INPP5D: variants seen among roughly 807,000 people sequenced by gnomAD.
The protein encoded by INPP5D is phosphatidylinositol 3,4,5-trisphosphate 5-phosphatase 1.
In INPP5D, 33 loss-of-function variants were observed where a neutral mutation model predicts 122.9. The ratio of observed to expected loss-of-function variants is 0.27; its 90% CI spans 0.20 to 0.36. The LOEUF is 0.36. Ranked by LOEUF, INPP5D falls within the 10% of genes least tolerant of loss-of-function variation. The pLI is 1.00. For missense variants in INPP5D, 1,053 were observed against 1,412.7 expected (o/e 0.75, Z 4.08); for synonymous variants, 584 against 576.2 (o/e 1.01, Z -0.19).
At chr2:233,180,382 G>A (rs561130167) in intron 18 of INPP5D, among the ~76,000 whole-genome samples, 2 of 150,148 alleles carry the variant, frequency 1.3e-5, no homozygotes, top group Admixed American at 6.6e-5. Flanking sequence ...AACCCTGCTC[G>A]TCAACCCATT....
chr2:233,080,017 C>T (rs1290652360), intron 2 of INPP5D, among the ~76,000 whole-genome samples: 2 of 152,206 alleles, frequency 1.3e-5, no homozygotes, highest in Admixed American at 6.5e-5. Context: ...GCAACCTCCA[C>T]CTCCCAGGTT....
Position 233,114,115 on chromosome 2 carries a change from A to G in INPP5D, c.199-7992A>G, listed in dbSNP as rs575444203. Among the ~76,000 whole-genome samples, 11 of 152,210 alleles carry G rather than the reference A, an allele frequency of 7.2e-5. No homozygotes were observed. The South Asian group carries it at 1.7e-3, about 23-fold the overall frequency. Reference sequence around the variant, plus strand: ...AGTAGAGATGGGGTTTCACTGTGTTAGCCAGGATGGTCTCGATCTCCTGAC... The same window carrying G: ...AGTAGAGATGGGGTTTCACTGTGTTGGCCAGGATGGTCTCGATCTCCTGAC... On this transcript the variant is annotated intron_variant, in intron 2 of 26. Coordinates refer to ENST00000445964, the MANE Select transcript of INPP5D (RefSeq NM_001017915.3).
At chr2:233,099,391 A>G (rs2106231619) in intron 2 of INPP5D, among the ~76,000 whole-genome samples, 1 of 152,342 alleles carries the variant, frequency 6.6e-6, no homozygotes, top group East Asian at 1.9e-4. Context: ...GCAGCCCCAC[A>G]TTGGAAGGCC....
In INPP5D at chr2:233,107,190, G is replaced by C. The variant is rs148209421; in HGVS notation, c.199-14917G>C. ...TCCCCAGCAGAGGGTGCGGTAGGCA[G>C]GGCTGCTGGTGGGTAGGCAGGGGGT... On this transcript the variant is annotated intron_variant, in intron 2 of 26. Transcript: ENST00000445964. Among the ~76,000 whole-genome samples, 1,143 of 152,280 alleles carry C rather than the reference G, an allele frequency of 7.5e-3. 9 individuals are homozygous for C. The highest frequency in any genetic ancestry group is 0.01 in the Non-Finnish European group (704 of 68,008).
rs569497058 is a variant in INPP5D at position 233,193,986 on chromosome 2, G to A, written c.2596+25G>A. On this transcript the variant is annotated intron_variant, in intron 23 of 26. Transcript: ENST00000445964. ...GGTAAGCAGCAAGCCCCTCCCCAGC[G>A]CCCTCTTCAGCCCCCCACTTAGGGA... 127 of 1,550,110 alleles carry A rather than the reference G, an allele frequency of 8.2e-5. 1 individual carries two copies. The highest frequency in any genetic ancestry group is 3.9e-4 in the Admixed American group (20 of 51,162).
intron 2 of INPP5D, among the ~76,000 whole-genome samples, chr2:233,089,774 C>T (rs1442617130): frequency 6.6e-6 from 1 of 152,190 alleles, no homozygotes; most frequent in Non-Finnish European, 1.5e-5. Context: ...AAAGTCCCTC[C>T]TTCATAGGAT....
rs535353750 is a variant in INPP5D, at chr2:233,172,663, C to T, written c.1989+1511C>T. Among the ~76,000 whole-genome samples the T allele has an allele frequency of 2.6e-5, 4 of 152,252 alleles. No homozygotes were observed. The South Asian group carries it at 6.2e-4, about 24-fold the overall frequency. ...CCCAGAGAAAATACCCAGAAGGCAG[C>T]TGAAAATAGCGATGCGTCGCTTAAC... On this transcript the variant is annotated intron_variant, in intron 17 of 26. Transcript: ENST00000445964.
At chr2:233,151,638 T>G (rs1420050038) in intron 9 of INPP5D, among the ~76,000 whole-genome samples, 1 of 152,222 alleles carries the variant, frequency 6.6e-6, no homozygotes, top group Non-Finnish European at 1.5e-5. Flanking sequence ...CTGAGGCACT[T>G]GCAATGTCAT....
chr2:233,129,375 T>C (rs147212349), intron 4 of INPP5D, among the ~76,000 whole-genome samples: 16 of 152,358 alleles, frequency 1.1e-4, no homozygotes, highest in African/African-American at 3.8e-4. Context: ...CAGGAAATAC[T>C]TGCTGTAATT....
At chr2:233,125,968 G>A (rs556178840) in intron 4 of INPP5D, 49 bp downstream of exon 4, 1 of 1,577,770 alleles carries the variant, frequency 6.3e-7, no homozygotes, top group East Asian at 2.3e-5. Context: ...AGTGAGCCCA[G>A]CCAGGGCAGG....
chr2:233,152,247 C>T (rs766555930), intron 9 of INPP5D, among the ~76,000 whole-genome samples: 4 of 152,008 alleles, frequency 2.6e-5, no homozygotes, highest in East Asian at 1.9e-4. Flanking sequence ...TATGACAGAG[C>T]GGTGCTCGCC....
chr2:233,185,792 G>A lies in INPP5D; in HGVS notation c.2276-51G>A, dbSNP rs1574795388. ...GGGGTGACCCCAGGGAGTCTTTTCT[G>A]TCTGGTTCTTGCTCTGTTTTCTGAA... On this transcript the variant is annotated intron_variant, in intron 20 of 26. Transcript: ENST00000445964. 2.6e-6 allele frequency: 4 copies of A among 1,516,370 alleles called. No homozygotes were observed. The South Asian group carries it at 5.2e-5, about 20-fold the overall frequency. 93.9% of individuals were successfully genotyped at this position (1,516,370 alleles called of 1,614,324 possible). A position where few individuals can be genotyped will look rare whatever the true frequency, so the allele number is the denominator to read the frequency against.
chr2:233,182,926 C>A (rs1694820900), intron 19 of INPP5D, among the ~76,000 whole-genome samples: 1 of 152,052 alleles, frequency 6.6e-6, no homozygotes, highest in Admixed American at 6.6e-5. Context: ...TTGTGATATA[C>A]CTTATTCAGC....
intron 24 of INPP5D, among the ~76,000 whole-genome samples, chr2:233,196,699 T>C (rs1199721225): frequency 2.6e-5 from 4 of 152,168 alleles, no homozygotes; most frequent in Middle Eastern, 6.3e-3. Flanking sequence ...AACTCACCGA[T>C]GTGGTCTCCG....
chr2:233,147,739 T>C, intron 9 of INPP5D, 145 bp downstream of exon 9: 1 of 611,330 alleles, frequency 1.6e-6, no homozygotes, highest in Non-Finnish European at 2.9e-6. Flanking sequence ...TGTGTGTGTG[T>C]GTCTCTTCTC....
intron 1 of INPP5D, among the ~76,000 whole-genome samples, chr2:233,074,179 C>G (rs1384195938): frequency 1.3e-5 from 2 of 152,142 alleles, no homozygotes; most frequent in African/African-American, 2.4e-5. Context: ...ACGACTGGCA[C>G]TGGATGGGAG....
chr2:233,081,140 G>A (rs906370834), intron 2 of INPP5D, among the ~76,000 whole-genome samples: 4 of 152,228 alleles, frequency 2.6e-5, no homozygotes, highest in African/African-American at 7.2e-5. Flanking sequence ...CACCTAGTAC[G>A]AGAAGGTCCT....
intron 6 of INPP5D, among the ~76,000 whole-genome samples, chr2:233,141,771 G>A (rs1209772121): frequency 6.6e-6 from 1 of 152,130 alleles, no homozygotes; most frequent in Non-Finnish European, 1.5e-5. Context: ...AATCAGATGG[G>A]AAGGATTTAA....
intron 5 of INPP5D, among the ~76,000 whole-genome samples, chr2:233,139,270 A>T (rs1693582953): frequency 6.6e-6 from 1 of 152,214 alleles, no homozygotes; most frequent in Admixed American, 6.5e-5. Context: ...GCTGGGAACA[A>T]AGAGCGCATA....
Sources: allele counts gnomAD v4.1 joint callset (sites outside exome capture counted in the v4.1 genomes callset), GRCh38; gene constraint gnomAD v4.1.1; transcripts MANE v1.5; gene names NCBI Gene and HGNC (gene_info 2026-07-23, HGNC 2026-07-21).